The following TBC1D1 variants were observed in gnomAD, a reference collection of about 807,000 sequenced individuals.
TBC1D1 encodes TBC1 (tre-2/USP6, BUB2, cdc16) domain family, member 1.
A neutral mutation model predicts 125.6 loss-of-function variants in TBC1D1; 89 were observed. The ratio of observed to expected loss-of-function variants is 0.71; its 90% CI spans 0.60 to 0.85. TBC1D1 has a LOEUF of 0.85. Ranked by LOEUF, TBC1D1 falls within the 40% of genes least tolerant of loss-of-function variation. TBC1D1 has a pLI of 0.00. For missense variants in TBC1D1, 1,377 were observed against 1,469.2 expected (o/e 0.94, Z 1.03); for synonymous variants, 565 against 564.1 (o/e 1.00, Z -0.02).
rs567906018 is a variant in TBC1D1 at position 38,040,820 on chromosome 4, G to A, written c.1414-3542G>A. 8.2e-4 allele frequency among the ~76,000 whole-genome samples: 125 copies of A among 152,148 alleles called. 1 individual carries two copies. Among genetic ancestry groups the A allele is most frequent in the Admixed American group, 4.6e-4 (7 of 15,282 alleles). ...CAGAACCGGTTGCAACAGATTCTGT[G>A]CACCTCCCTGTGGCGCGTAGCATTT... On this transcript the variant is annotated intron_variant, in intron 8 of 19. Transcript: ENST00000261439.
chr4:38,104,377 C>T lies in TBC1D1; in HGVS notation c.2557+1220C>T, dbSNP rs139835448. On this transcript the variant is annotated intron_variant, in intron 15 of 19. Coordinates refer to ENST00000261439, the MANE Select transcript of TBC1D1 (RefSeq NM_015173.4). ...GTTGAACTGGGGTGTGATTATGATGCACAGAGGGCCCTCCTGACTTGTCAG... is the reference window on the plus strand; with the variant it reads ...GTTGAACTGGGGTGTGATTATGATGTACAGAGGGCCCTCCTGACTTGTCAG... 1.9e-3 allele frequency among the ~76,000 whole-genome samples: 283 copies of T among 152,240 alleles called. 1 individual carries two copies. Among genetic ancestry groups the T allele is most frequent in the African/African-American group, 6.6e-3 (275 of 41,544 alleles).
intron 1 of TBC1D1, among the ~76,000 whole-genome samples, chr4:37,892,856 C>A (rs1713652101): frequency 1.3e-5 from 2 of 152,156 alleles, no homozygotes; most frequent in South Asian, 4.1e-4. Flanking sequence ...ACAGAGCTTG[C>A]CCCTTCTTCC....
intron 12 of TBC1D1, among the ~76,000 whole-genome samples, chr4:38,057,860 G>A (rs1340681020): frequency 1.3e-5 from 2 of 152,164 alleles, no homozygotes; most frequent in Non-Finnish European, 2.9e-5. Flanking sequence ...ACCTGAGCTC[G>A]CGGGTCTGAG....
intron 12 of TBC1D1, among the ~76,000 whole-genome samples, chr4:38,057,923 G>T (rs1356184829): frequency 6.6e-6 from 1 of 152,204 alleles, no homozygotes; most frequent in Admixed American, 6.5e-5. Flanking sequence ...AGCCAGAGAT[G>T]CAGGACGCTG....
chr4:38,105,043 C>A (rs1260231843), intron 15 of TBC1D1, among the ~76,000 whole-genome samples: 2 of 152,162 alleles, frequency 1.3e-5, no homozygotes, highest in African/African-American at 4.8e-5. Context: ...GCGTGAGCCA[C>A]CACACCCGGC....
chr4:38,082,857 C>A (rs1482956218), intron 12 of TBC1D1, among the ~76,000 whole-genome samples: 3 of 152,094 alleles, frequency 2.0e-5, no homozygotes, highest in Non-Finnish European at 4.4e-5. Flanking sequence ...TGAGTCAGGA[C>A]TTTTTTCTTC....
intron 3 of TBC1D1, among the ~76,000 whole-genome samples, chr4:38,017,929 A>G (rs552820287): frequency 4.6e-5 from 7 of 152,354 alleles, no homozygotes; most frequent in Non-Finnish European, 4.4e-5. Context: ...AGTGTATGTG[A>G]ATGCCTCACA....
chr4:37,898,027 AT>A (rs1402755520), intron 1 of TBC1D1, among the ~76,000 whole-genome samples: 1 of 152,246 alleles, frequency 6.6e-6, no homozygotes, highest in Non-Finnish European at 1.5e-5. Flanking sequence ...AACATTTGAA[AT>A]AAAAAATTAG....
chr4:38,110,643 C>T, intron 15 of TBC1D1: 1 of 985,298 alleles, frequency 1.0e-6, no homozygotes, highest in Non-Finnish European at 1.2e-6. Flanking sequence ...CATGTTTGAC[C>T]CTCTCCACTT....
At chr4:38,116,936 C>T (rs1323187204) in intron 16 of TBC1D1, among the ~76,000 whole-genome samples, 1 of 152,188 alleles carries the variant, frequency 6.6e-6, no homozygotes, top group African/African-American at 2.4e-5. Flanking sequence ...TGAACATGGA[C>T]CACGTGAATG....
At chr4:38,100,402 C>T (rs1162776844) in intron 14 of TBC1D1, among the ~76,000 whole-genome samples, 1 of 152,184 alleles carries the variant, frequency 6.6e-6, no homozygotes, top group Admixed American at 6.5e-5. Flanking sequence ...CCTCTGCCTC[C>T]TTGGTCACAT....
At chr4:37,939,656 G>T (rs1304051656) in intron 2 of TBC1D1, among the ~76,000 whole-genome samples, 1 of 152,148 alleles carries the variant, frequency 6.6e-6, no homozygotes, top group East Asian at 1.9e-4. Context: ...ATGGTTTTAG[G>T]TCTAAGATTT....
chr4:37,977,535 C>A lies in TBC1D1; in HGVS notation c.418-36974C>A. ...TGTTCAGCTGGGTGGCCAAGGTAGG[C>A]GGCGTCGGGCGGGCGCCCGTTACCG... On this transcript the variant is annotated intron_variant, in intron 2 of 19. Transcript: ENST00000261439. The surrounding 1 kb of genome is among the most constrained non-coding windows in gnomAD (Gnocchi z 4.3). 2 of 940,978 alleles carry A rather than the reference C, an allele frequency of 2.1e-6. No homozygotes were observed. The highest frequency in any genetic ancestry group is 1.3e-6 in the Non-Finnish European group (1 of 778,190). The allele number at this position is 940,978 out of a possible 1,614,324, so 58.3% of individuals were successfully genotyped here.
intron 18 of TBC1D1, among the ~76,000 whole-genome samples, chr4:38,129,237 G>A (rs760050623): frequency 9.2e-5 from 14 of 152,188 alleles, no homozygotes; most frequent in Non-Finnish European, 1.9e-4. Context: ...TTAGAAACCA[G>A]GGTTCCTGTA....
intron 11 of TBC1D1, among the ~76,000 whole-genome samples, chr4:38,052,292 A>T (rs545470607): frequency 6.6e-6 from 1 of 150,610 alleles, no homozygotes; most frequent in South Asian, 2.1e-4. Flanking sequence ...TAAGATTATT[A>T]TGAAAACAGA....
chr4:37,913,534 G>A (rs2152256831), intron 2 of TBC1D1, among the ~76,000 whole-genome samples: 1 of 152,140 alleles, frequency 6.6e-6, no homozygotes, highest in Admixed American at 6.5e-5. Flanking sequence ...AGGAGGCAGA[G>A]GTTGCGGTGA....
intron 6 of TBC1D1, among the ~76,000 whole-genome samples, chr4:38,022,463 A>G (rs1744241551): frequency 6.6e-6 from 1 of 152,242 alleles, no homozygotes; most frequent in African/African-American, 2.4e-5. Context: ...GATTCACCCC[A>G]GGCGGTAAAG....
chr4:38,076,089 C>G (rs1178638225), intron 12 of TBC1D1, among the ~76,000 whole-genome samples: 1 of 152,150 alleles, frequency 6.6e-6, no homozygotes, highest in Non-Finnish European at 1.5e-5. Context: ...ATACCTGAGA[C>G]TGGGTAATTT....
intron 12 of TBC1D1, among the ~76,000 whole-genome samples, chr4:38,058,524 A>G (rs1752174883): frequency 6.6e-6 from 1 of 152,240 alleles, no homozygotes; most frequent in South Asian, 2.1e-4. Context: ...TTTGGCATGA[A>G]AGACACACAA....
Sources: gnomAD v4.1 joint callset for allele counts (sites outside exome capture counted in the v4.1 genomes callset) on GRCh38, gnomAD v4.1.1 for gene constraint, Gnocchi (gnomAD v3.1) non-coding constraint, MANE v1.5 for transcripts, NCBI Gene and HGNC (gene_info 2026-07-23, HGNC 2026-07-21) for gene names.